Variants in ARL14EPL observed in about 807,000 individuals in gnomAD.
ARL14EPL encodes the protein ARF like GTPase 14 effector protein like.
ARL14EPL carries 17 observed loss-of-function variants against 15.9 expected under a neutral mutation model. That is an observed-to-expected ratio of 1.07 (90% confidence interval 0.73 to 1.60). The LOEUF (loss-of-function observed/expected upper bound fraction) is 1.60, where lower values mean the gene tolerates loss of function less well. Ranked by LOEUF, ARL14EPL falls within the 40% of genes most tolerant of loss-of-function variation. ARL14EPL has a pLI of 0.00. For synonymous variants in ARL14EPL, 78 were observed against 63.8 expected (o/e 1.22, Z -1.06); for missense variants, 214 against 185.9 (o/e 1.15, Z -0.88).
intron 2 of ARL14EPL, among the ~76,000 whole-genome samples, chr5:116,053,174 C>T (rs557944673): frequency 6.6e-6 from 1 of 152,030 alleles, no homozygotes; most frequent in Admixed American, 6.5e-5. Flanking sequence ...ATGGTGAAAC[C>T]CCATCTCTAC....
chr5:116,052,178 T>G (rs1749398419), intron 2 of ARL14EPL: 1 of 1,609,900 alleles, frequency 6.2e-7, no homozygotes, highest in South Asian at 1.1e-5. Flanking sequence ...AACTTTGCCT[T>G]TGGACCACTT....
At chr5:116,035,794 C>T (rs1375919177) in intron 1 of ARL14EPL, among the ~76,000 whole-genome samples, 2 of 152,178 alleles carry the variant, frequency 1.3e-5, no homozygotes, top group African/African-American at 4.8e-5. Context: ...GAGGAGGAGG[C>T]TCTGGCCAGC....
chr5:116,033,349 C>T (rs1580408645), intron 1 of ARL14EPL, among the ~76,000 whole-genome samples: 1 of 152,104 alleles, frequency 6.6e-6, no homozygotes, highest in Admixed American at 6.5e-5. Context: ...AGATTTTCAA[C>T]ATTTTATTAT....
chr5:116,057,110 G>C (rs1203043178), intron 3 of ARL14EPL, among the ~76,000 whole-genome samples: 1 of 152,184 alleles, frequency 6.6e-6, no homozygotes, highest in African/African-American at 2.4e-5. Context: ...GGGATGCAAG[G>C]CTGGTTCAAC....
chr5:116,043,709 CTG>C (rs1005959450), intron 1 of ARL14EPL, among the ~76,000 whole-genome samples: 1 of 152,108 alleles, frequency 6.6e-6, no homozygotes, highest in African/African-American at 2.4e-5. Flanking sequence ...CCGTGGTGCA[CTG>C]TTATTTCTTG....
At chr5:116,056,780 G>A (rs1580418903) in intron 3 of ARL14EPL, among the ~76,000 whole-genome samples, 1 of 152,100 alleles carries the variant, frequency 6.6e-6, no homozygotes, top group African/African-American at 2.4e-5. Context: ...TATGGTTTTA[G>A]GTCTAACATT....
intron 1 of ARL14EPL, among the ~76,000 whole-genome samples, chr5:116,037,784 G>A (rs1279929926): frequency 2.0e-5 from 3 of 152,202 alleles, no homozygotes; most frequent in Non-Finnish European, 4.4e-5. Flanking sequence ...AAAATCCAGA[G>A]ATACCTATGA....
At chr5:116,034,210 G>T (rs1749008909) in intron 1 of ARL14EPL, among the ~76,000 whole-genome samples, 1 of 152,172 alleles carries the variant, frequency 6.6e-6, no homozygotes, top group African/African-American at 2.4e-5. Context: ...TCTTACTTGA[G>T]ATCAACAAAG....
chr5:116,040,814 C>CAAA (rs58840428), intron 1 of ARL14EPL, among the ~76,000 whole-genome samples: 1 of 106,540 alleles, frequency 9.4e-6, no homozygotes, highest in Non-Finnish European at 2.1e-5. Flanking sequence ...ACTAAAAATA[C>CAAA]AAAAAAAAAA....
intron 1 of ARL14EPL, among the ~76,000 whole-genome samples, chr5:116,035,663 G>C (rs73783077): frequency 0.011 from 1,624 of 152,330 alleles, 27 homozygotes; most frequent in African/African-American, 0.037. Context: ...GGCTGCTTCA[G>C]AATCTCAGAG....
rs890793969 is a variant in ARL14EPL at position 116,051,474 on chromosome 5, ACAAT to A, written c.12_15del (p.Ser5ArgfsTer30). The A allele has an allele frequency of 1.4e-5, 22 of 1,533,290 alleles. No homozygotes were observed. In the African/African-American group the frequency reaches 2.7e-4, roughly 19 times the overall value. 95.0% of individuals were successfully genotyped at this position (1,533,290 alleles called of 1,614,324 possible). Reference sequence around the variant, plus strand: ...TTTTTAAGTGATCAGAGATGAATGAACAATCAGAGAAAAACAATTCCATTCAAGA... The same window carrying A: ...TTTTTAAGTGATCAGAGATGAATGAACAGAGAAAAACAATTCCATTCAAGA... On this transcript the variant is annotated frameshift_variant, in exon 2 of 4. Coordinates refer to ENST00000686077, the MANE Select transcript of ARL14EPL (RefSeq NM_001195581.2). LOFTEE classifies it high-confidence loss of function.
At chr5:116,048,820 C>A (rs1470145621) in intron 1 of ARL14EPL, among the ~76,000 whole-genome samples, 1 of 151,874 alleles carries the variant, frequency 6.6e-6, no homozygotes, top group African/African-American at 2.4e-5. Context: ...ATATTATTGG[C>A]AGAGAGGAGT....
intron 1 of ARL14EPL, among the ~76,000 whole-genome samples, chr5:116,036,564 T>A (rs1435393470): frequency 6.6e-6 from 1 of 152,234 alleles, no homozygotes. Context: ...AGCTCTAAAA[T>A]GACTAGCTTC....
chr5:116,037,169 C>T (rs1171737835), intron 1 of ARL14EPL, among the ~76,000 whole-genome samples: 1 of 152,118 alleles, frequency 6.6e-6, no homozygotes, highest in Non-Finnish European at 1.5e-5. Flanking sequence ...ATGGCTCTTG[C>T]CTCCCATCCC....
chr5:116,044,493 A>ATG (rs564185852), intron 1 of ARL14EPL, among the ~76,000 whole-genome samples: 1 of 115,526 alleles, frequency 8.7e-6, no homozygotes, highest in Admixed American at 8.2e-5. Context: ...GTGTGTATAT[A>ATG]TGTGTGTGTA....
At chr5:116,053,771 T>C (rs1438114732) in intron 2 of ARL14EPL, among the ~76,000 whole-genome samples, 2 of 152,258 alleles carry the variant, frequency 1.3e-5, no homozygotes, top group Non-Finnish European at 1.5e-5. Flanking sequence ...TTCCCCTTGA[T>C]TGTTTTTTAC....
At chr5:116,046,446 T>C (rs1440830977) in intron 1 of ARL14EPL, among the ~76,000 whole-genome samples, 1 of 152,176 alleles carries the variant, frequency 6.6e-6, no homozygotes, top group Non-Finnish European at 1.5e-5. Flanking sequence ...GTGATAAACG[T>C]ATGAGTCATT....
chr5:116,058,678 T>A (rs1404895064), intron 3 of ARL14EPL, 47 bp from the exon 4 acceptor site: 5 of 1,494,218 alleles, frequency 3.3e-6, no homozygotes, highest in Non-Finnish European at 3.6e-6. Context: ...TTCTCAATGT[T>A]GAGGATGATT....
At chr5:116,041,413 A>G (rs529721417) in intron 1 of ARL14EPL, among the ~76,000 whole-genome samples, 2 of 152,182 alleles carry the variant, frequency 1.3e-5, no homozygotes, top group East Asian at 1.9e-4. Flanking sequence ...GTTTTATCCT[A>G]TTTTTTTGTT....
Sources: allele counts gnomAD v4.1 joint callset (sites outside exome capture counted in the v4.1 genomes callset), GRCh38; gene constraint gnomAD v4.1.1; transcripts MANE v1.5; gene names NCBI Gene and HGNC (gene_info 2026-07-23, HGNC 2026-07-21).